Variants in MARVELD2 observed in about 807,000 individuals in gnomAD.
MARVELD2 encodes MARVEL domain containing 2.
MARVELD2 carries 49 observed loss-of-function variants against 57.6 expected under a neutral mutation model. That is an observed-to-expected ratio of 0.85 (90% CI 0.68 to 1.08). The LOEUF is 1.08. MARVELD2 is among the 50% of genes least tolerant of loss of function. MARVELD2 has a pLI of 0.00. For synonymous variants in MARVELD2, 238 were observed against 258.8 expected (o/e 0.92, Z 0.77); for missense variants, 606 against 701.1 (o/e 0.86, Z 1.53).
chr5:69,432,465 A>G (rs1158167460), intron 3 of MARVELD2, 62 bp from the exon 4 acceptor site: 2 of 1,559,866 alleles, frequency 1.3e-6, no homozygotes, highest in Non-Finnish European at 1.8e-6. Flanking sequence ...CTAAGAATGA[A>G]TTCAGAGGGT....
chr5:69,441,473 TTC>T, intron 6 of MARVELD2, 57 bp from the exon 7 acceptor site: 1 of 1,589,566 alleles, frequency 6.3e-7, no homozygotes, highest in Middle Eastern at 1.7e-4. Context: ...CAATGTATGT[TTC>T]TGTGTTTTTC....
chr5:69,432,430 C>G, intron 3 of MARVELD2, 97 bp from the exon 4 acceptor site: 1 of 1,373,120 alleles, frequency 7.3e-7, no homozygotes, highest in African/African-American at 1.4e-5. Context: ...TTTGAGCCAC[C>G]CCACCTGATC....
At chr5:69,432,485 CTT>C in intron 3 of MARVELD2, 40 bp from the exon 4 acceptor site, 17 of 1,605,424 alleles carry the variant, frequency 1.1e-5, no homozygotes, top group Non-Finnish European at 1.4e-5. Flanking sequence ...TTTTTTTCTA[CTT>C]ATGTTTATTA....
chr5:69,427,050 C>T (rs925169649), intron 3 of MARVELD2, among the ~76,000 whole-genome samples: 4 of 152,214 alleles, frequency 2.6e-5, no homozygotes, highest in African/African-American at 9.6e-5. Flanking sequence ...CTTACTTTCT[C>T]TGAACTTCAG....
At chr5:69,435,557 C>A (rs962616588) in intron 5 of MARVELD2, among the ~76,000 whole-genome samples, 5 of 151,164 alleles carry the variant, frequency 3.3e-5, no homozygotes, top group Non-Finnish European at 4.4e-5. Flanking sequence ...AATTCGAGAC[C>A]AGCCTGGCCA....
intron 3 of MARVELD2, among the ~76,000 whole-genome samples, chr5:69,430,509 C>T (rs1295875701): frequency 6.6e-6 from 1 of 151,934 alleles, no homozygotes. Flanking sequence ...AGCTACTGCA[C>T]GTGGCCTAGT....
At chr5:69,435,632 A>G (rs1448433823) in intron 5 of MARVELD2, among the ~76,000 whole-genome samples, 2 of 151,644 alleles carry the variant, frequency 1.3e-5, no homozygotes, top group Non-Finnish European at 2.9e-5. Flanking sequence ...CAGGCTGAGT[A>G]ATCTCAGCTA....
chr5:69,419,082 C>T (rs1376127061), intron 1 of MARVELD2: 36 of 458,438 alleles, frequency 7.9e-5, no homozygotes, highest in East Asian at 5.2e-4. Flanking sequence ...CATGCCACAA[C>T]GCCTGGCTAG....
At chr5:69,435,969 A>G (rs1767124065) in intron 5 of MARVELD2, among the ~76,000 whole-genome samples, 3 of 152,160 alleles carry the variant, frequency 2.0e-5, no homozygotes, top group African/African-American at 7.2e-5. Context: ...GTCAATACAT[A>G]TTCCTTTTTG....
Position 69,419,814 on chromosome 5 carries a change from C to T in MARVELD2, c.429C>T (p.Thr143=). 1.2e-6 allele frequency: 2 copies of T among 1,614,176 alleles called. No individual in the cohort carries two copies. Among genetic ancestry groups the T allele is most frequent in the South Asian group, 2.2e-5 (2 of 91,084 alleles). The part of the protein sequence containing the change: ...CKDPYGGSEG[T]FSSRKEADAV... ...ATCCCTACGGAGGGTCAGAAGGAAC[C>T]TTTAGTTCCCGGAAAGAGGCTGACG... Residue 143 remains threonine (T), a synonymous_variant, in exon 2 of 7, where the codon ACC becomes ACT. Coordinates refer to ENST00000325631, the MANE Select transcript of MARVELD2 (RefSeq NM_001038603.3).
chr5:69,415,589 C>T (rs1020665054), intron 1 of MARVELD2: 5 of 152,212 alleles, frequency 3.3e-5, no homozygotes, highest in African/African-American at 9.6e-5. Context: ...GCGGGGGAGA[C>T]CCCACAGCTA....
chr5:69,440,456 G>T lies in MARVELD2; in HGVS notation c.1510G>T (p.Glu504Ter). 7.1e-7 allele frequency: 1 copy of T among 1,412,822 alleles called. No individual in the cohort carries two copies. Among genetic ancestry groups the T allele is most frequent in the Non-Finnish European group, 1.0e-6 (1 of 1,001,722 alleles). The allele number at this position is 1,412,822 out of a possible 1,614,324, so 87.5% of individuals were successfully genotyped here. A position where few individuals can be genotyped will look rare whatever the true frequency, so the allele number is the denominator to read the frequency against. Residue 504 changes from glutamate (E) to a stop codon, truncating the protein, a stop_gained, in exon 6 of 7, where the codon GAG (glutamate) becomes TAG (stop). Transcript: ENST00000325631. LOFTEE classifies it high-confidence loss of function. ...PHHSESRQEHERISRIHEEFK... is the reference protein window; with the variant it reads ...PHHSESRQEH The stretch of plus-strand genomic sequence containing the variant: ...TACAATGTATTATTTTTAGGAACAT[G>T]AGAGAATTTCAAGAATCCATGAAGA...
intron 6 of MARVELD2, among the ~76,000 whole-genome samples, chr5:69,440,835 C>G (rs566121334): frequency 6.6e-6 from 1 of 152,360 alleles, no homozygotes; most frequent in Non-Finnish European, 1.5e-5. Flanking sequence ...GTAATCCCAG[C>G]ACTTTGGGAA....
chr5:69,443,955 T>G lies in MARVELD2; in HGVS notation c.*2301T>G, dbSNP rs1767396089. The G allele has an allele frequency of 7.6e-6, 1 of 131,716 alleles. No homozygotes were observed. The highest frequency in any genetic ancestry group is 1.6e-5 in the Non-Finnish European group (1 of 64,378). 8.2% of individuals were successfully genotyped at this position (131,716 alleles called of 1,614,324 possible). On this transcript the variant is annotated 3_prime_UTR_variant, in exon 7 of 7. Coordinates refer to ENST00000325631, the MANE Select transcript of MARVELD2 (RefSeq NM_001038603.3). ...CCAAATGGAACAACTTCACTTTCTC[T>G]TTTATGTATTGAGCCCTGTGTTAAC...
intron 5 of MARVELD2, among the ~76,000 whole-genome samples, chr5:69,436,913 G>A (rs536890446): frequency 1.3e-5 from 2 of 152,078 alleles, no homozygotes; most frequent in South Asian, 4.2e-4. Flanking sequence ...ACCTGAGGTT[G>A]GGAGTTCCAG....
chr5:69,419,540 C>T lies in MARVELD2; in HGVS notation c.155C>T (p.Pro52Leu). 1 of 1,614,170 alleles carries T rather than the reference C, an allele frequency of 6.2e-7. No homozygotes were observed. Among genetic ancestry groups the T allele is most frequent in the Non-Finnish European group, 8.5e-7 (1 of 1,180,032 alleles). ...GATCCCTTGCCACCACCCCCTCTCC[C>T]ATTACAGCCACCATTCGGCCCAGAC... ...SADPLPPPPL[P>L]LQPPFGPDFY... The change falls in exon 2 of 7, where the codon CCA becomes CTA. Residue 52 changes from proline (P) to leucine (L), a missense_variant. Pro to Leu is a moderately conservative substitution (Grantham distance 98, BLOSUM62 -3). Coordinates refer to ENST00000325631, the MANE Select transcript of MARVELD2 (RefSeq NM_001038603.3).
rs1405544022 is a variant in MARVELD2, at chr5:69,441,626, T to C, written c.1649T>C (p.Met550Thr). 1.3e-6 allele frequency: 2 copies of C among 1,583,714 alleles called. No homozygotes were observed. Among genetic ancestry groups the C allele is most frequent in the African/African-American group, 1.3e-5 (1 of 74,242 alleles). The change falls in exon 7 of 7, where the codon ATG becomes ACG. Residue 550 changes from methionine to threonine, a missense_variant. Met to Thr is a moderately conservative substitution (Grantham distance 81). Coordinates refer to ENST00000325631, the MANE Select transcript of MARVELD2 (RefSeq NM_001038603.3). The part of the protein sequence containing the change: ...KQRIQEYDKV[M>T]NWDVQGYS ...AGAATTCAAGAATATGATAAAGTAA[T>C]GAATTGGGATGTACAAGGTTATTCT...
At chr5:69,427,023 C>T (rs758484177) in intron 3 of MARVELD2, among the ~76,000 whole-genome samples, 1 of 152,184 alleles carries the variant, frequency 6.6e-6, no homozygotes, top group Non-Finnish European at 1.5e-5. Context: ...ACTAGCTCTG[C>T]GATCCTGGGG....
intron 6 of MARVELD2, among the ~76,000 whole-genome samples, chr5:69,441,153 C>CT (rs1404773082): frequency 2.0e-5 from 3 of 150,944 alleles, no homozygotes; most frequent in Non-Finnish European, 3.0e-5. Flanking sequence ...ATTACTTTTT[C>CT]TTTTTTTTTA....
Sources: allele counts gnomAD v4.1 joint callset (sites outside exome capture counted in the v4.1 genomes callset), GRCh38; gene constraint gnomAD v4.1.1; transcripts MANE v1.5; gene names NCBI Gene and HGNC (gene_info 2026-07-23, HGNC 2026-07-21).